Variants in PLEKHA5 observed in about 807,000 individuals in gnomAD.
The protein encoded by PLEKHA5 is pleckstrin homology domain-containing family A member 5.
A neutral mutation model predicts 181.9 loss-of-function variants in PLEKHA5; 55 were observed. The ratio of observed to expected loss-of-function variants is 0.30; its 90% CI spans 0.24 to 0.38. The LOEUF (loss-of-function observed/expected upper bound fraction) is 0.38, where lower values mean the gene tolerates loss of function less well. Among genes scored for constraint, PLEKHA5 ranks in the 10% least tolerant of loss-of-function variants. The pLI is 1.00. For synonymous variants in PLEKHA5, 535 were observed against 529.4 expected, an observed-to-expected ratio of 1.01 and a Z score of -0.15; for missense variants, 1,432 against 1,549.5, an observed-to-expected ratio of 0.92 and a Z score of 1.27.
At chr12:19,226,617 C>G (rs1333663158) in intron 3 of PLEKHA5, among the ~76,000 whole-genome samples, 2 of 152,090 alleles carry the variant, frequency 1.3e-5, no homozygotes, top group Admixed American at 6.5e-5. Context: ...TGTGAACAAT[C>G]TGGAATTTTT....
At chr12:19,253,905 C>T in intron 3 of PLEKHA5, 35 bp from the exon 4 acceptor site, 3 of 1,127,532 alleles carry the variant, frequency 2.7e-6, no homozygotes, top group Non-Finnish European at 4.0e-6. Flanking sequence ...TTTTAAATAC[C>T]TGCATGTTCT....
intron 3 of PLEKHA5, among the ~76,000 whole-genome samples, chr12:19,215,021 T>C (rs1054562598): frequency 6.6e-6 from 1 of 151,560 alleles, no homozygotes; most frequent in Non-Finnish European, 1.5e-5. Context: ...CTACTAAAAA[T>C]AAAAAATTAG....
intron 13 of PLEKHA5, among the ~76,000 whole-genome samples, chr12:19,289,562 C>T (rs1385151879): frequency 6.6e-6 from 1 of 152,076 alleles, no homozygotes; most frequent in African/African-American, 2.4e-5. Flanking sequence ...CAGAGAAATA[C>T]CAAGTAATAT....
chr12:19,287,327 A>G (rs769219746), intron 12 of PLEKHA5, 146 bp from the exon 13 acceptor site: 4 of 669,554 alleles, frequency 6.0e-6, no homozygotes, highest in Non-Finnish European at 1.1e-5. Context: ...TTATGTCAAG[A>G]AATGTTAGTC....
chr12:19,260,174 T>A (rs2068042621), intron 6 of PLEKHA5, among the ~76,000 whole-genome samples: 1 of 152,228 alleles, frequency 6.6e-6, no homozygotes. Flanking sequence ...AAAATGTTTA[T>A]GAATTGCATT....
At chr12:19,361,733 C>T in intron 29 of PLEKHA5, 27 bp downstream of exon 29, 3 of 1,576,124 alleles carry the variant, frequency 1.9e-6, no homozygotes, top group Admixed American at 3.7e-5. Flanking sequence ...GCAAAGGAAT[C>T]ATTCACAAAA....
chr12:19,367,532 G>T (rs2095463573), intron 30 of PLEKHA5, among the ~76,000 whole-genome samples: 1 of 151,736 alleles, frequency 6.6e-6, no homozygotes, highest in African/African-American at 2.4e-5. Flanking sequence ...TAGGATTACA[G>T]GCGTGAGCCA....
Position 19,353,960 on chromosome 12 carries a change from T to C in PLEKHA5, c.3096T>C (p.Tyr1032=). The stretch of plus-strand genomic sequence containing the variant: ...CCGAATCTTCGACAATAGCTTCCTA[T>C]GTAACCTTGAGGAAAACTAAGAAGA... ...PTPESSTIAS[Y]VTLRKTKKMM... Residue 1032 remains tyrosine, a synonymous_variant, in exon 26 of 32, where the codon TAT becomes TAC. Coordinates refer to ENST00000429027, the MANE Select transcript of PLEKHA5 (RefSeq NM_001256470.2). 1 of 1,608,344 alleles carries C rather than the reference T, an allele frequency of 6.2e-7. No individual in the cohort carries two copies. The highest frequency in any genetic ancestry group is 8.5e-7 in the Non-Finnish European group (1 of 1,174,934).
chr12:19,260,868 T>A (rs998289705), intron 6 of PLEKHA5, 81 bp from the exon 7 acceptor site: 36 of 878,692 alleles, frequency 4.1e-5, no homozygotes, highest in Middle Eastern at 3.7e-4. Context: ...CTCAAAAAAA[T>A]AAAAATAAAT....
At chr12:19,172,980 A>G (rs1261635528) in intron 3 of PLEKHA5, among the ~76,000 whole-genome samples, 1 of 137,150 alleles carries the variant, frequency 7.3e-6, no homozygotes, top group African/African-American at 2.6e-5. Context: ...TTTTTTTTAA[A>G]GAAAATTGCT....
In PLEKHA5 at chr12:19,267,917, G is replaced by A. The variant is rs1285448378; in HGVS notation, c.712-1853G>A. ...GGAGGTTGCAGTGAGCCGAGATCGC[G>A]CCATTGCACTCCAGCCTGGGCAACA... On this transcript the variant is annotated intron_variant, in intron 8 of 31. Transcript: ENST00000429027. Among the ~76,000 whole-genome samples, 6 of 151,890 alleles carry A rather than the reference G, an allele frequency of 4.0e-5. No individual in the cohort carries two copies. The East Asian group carries it at 7.7e-4, about 20-fold the overall frequency.
chr12:19,180,404 T>C (rs1261388784), intron 3 of PLEKHA5, among the ~76,000 whole-genome samples: 2 of 152,148 alleles, frequency 1.3e-5, no homozygotes, highest in Non-Finnish European at 2.9e-5. Context: ...CTGAGGCATA[T>C]GAAATCTGGG....
chr12:19,195,461 A>C (rs897020311), intron 3 of PLEKHA5, among the ~76,000 whole-genome samples: 2 of 152,080 alleles, frequency 1.3e-5, no homozygotes, highest in Non-Finnish European at 2.9e-5. Flanking sequence ...TTGAGTCCAG[A>C]GTTCGAGACC....
At chr12:19,273,124 G>C (rs1210369790) in intron 10 of PLEKHA5, among the ~76,000 whole-genome samples, 4 of 152,046 alleles carry the variant, frequency 2.6e-5, no homozygotes, top group African/African-American at 9.7e-5. Flanking sequence ...GGCCCGGCTG[G>C]TCTCAAACAC....
At chr12:19,188,914 T>C (rs1429564183) in intron 3 of PLEKHA5, among the ~76,000 whole-genome samples, 1 of 152,238 alleles carries the variant, frequency 6.6e-6, no homozygotes, top group Non-Finnish European at 1.5e-5. Context: ...GCTTTTATTA[T>C]ACACCAAGAC....
intron 3 of PLEKHA5, among the ~76,000 whole-genome samples, chr12:19,237,498 A>G (rs185820572): frequency 9.0e-5 from 5 of 55,850 alleles, no homozygotes; most frequent in African/African-American, 1.7e-4. Context: ...AGTATGCATT[A>G]TGTAATTTTT....
At chr12:19,299,006 T>C (rs995297499) in intron 15 of PLEKHA5, among the ~76,000 whole-genome samples, 1 of 152,210 alleles carries the variant, frequency 6.6e-6, no homozygotes, top group Non-Finnish European at 1.5e-5. Flanking sequence ...GGCTGACTGA[T>C]GAAGAAGAAG....
intron 3 of PLEKHA5, among the ~76,000 whole-genome samples, chr12:19,225,247 G>C (rs560856294): frequency 6.6e-5 from 10 of 152,226 alleles, no homozygotes; most frequent in African/African-American, 2.4e-4. Context: ...CATCTTTGGG[G>C]AGAGATGATA....
At chr12:19,169,125 A>G (rs954982268) in intron 3 of PLEKHA5, among the ~76,000 whole-genome samples, 1 of 152,222 alleles carries the variant, frequency 6.6e-6, no homozygotes, top group Non-Finnish European at 1.5e-5. Context: ...AAAAATGGAA[A>G]AATCAGCAAT....
Sources: gnomAD v4.1 joint callset for allele counts (sites outside exome capture counted in the v4.1 genomes callset) on GRCh38, gnomAD v4.1.1 for gene constraint, MANE v1.5 for transcripts, NCBI Gene and HGNC (gene_info 2026-07-23, HGNC 2026-07-21) for gene names.